Variants in ABCC4 observed in about 807,000 individuals in gnomAD.
The protein encoded by ABCC4 is ATP binding cassette subfamily C member 4 (PEL blood group).
A neutral mutation model predicts 168.5 loss-of-function variants in ABCC4; 102 were observed. That is an observed-to-expected ratio of 0.61 (90% confidence interval 0.52 to 0.71). The LOEUF is 0.71. ABCC4 is among the 30% of genes least tolerant of loss of function. The pLI is 0.00. For missense variants in ABCC4, 1,402 were observed against 1,605.8 expected (o/e 0.87, Z 2.17); for synonymous variants, 617 against 590.7 (o/e 1.04, Z -0.65).
chr13:95,286,124 T>G (rs1236953005), intron 1 of ABCC4, among the ~76,000 whole-genome samples: 1 of 55,268 alleles, frequency 1.8e-5, no homozygotes, highest in Non-Finnish European at 4.5e-5. Flanking sequence ...CCAGAAAAAC[T>G]TTTTTTTTTT....
intron 1 of ABCC4, among the ~76,000 whole-genome samples, chr13:95,283,920 C>A (rs2041194453): frequency 6.6e-6 from 1 of 151,210 alleles, no homozygotes; most frequent in African/African-American, 2.4e-5. Flanking sequence ...AAGAGTGGCG[C>A]CAGGTGCAGT....
At chr13:95,220,572 A>G (rs2039286113) in intron 4 of ABCC4, among the ~76,000 whole-genome samples, 1 of 152,152 alleles carries the variant, frequency 6.6e-6, no homozygotes, top group Non-Finnish European at 1.5e-5. Context: ...ATGTCTTACT[A>G]ATGACTTATT....
intron 13 of ABCC4, among the ~76,000 whole-genome samples, chr13:95,172,402 C>G (rs2037507598): frequency 6.6e-6 from 1 of 151,948 alleles, no homozygotes; most frequent in South Asian, 2.1e-4. Context: ...GAAATCCCAT[C>G]TCCACTAAAA....
In ABCC4 at chr13:95,221,018, G is replaced by A. The variant is rs531928274; in HGVS notation, c.532-10237C>T. On this transcript the variant is annotated intron_variant, in intron 4 of 30. Coordinates refer to ENST00000645237, the MANE Select transcript of ABCC4 (RefSeq NM_005845.5). ...AGGCAGAAGTTTTTCACTAAATGCT[G>A]AGAAAATGTATGACATAAACCCCAA... Among the ~76,000 whole-genome samples the A allele has an allele frequency of 5.3e-5, 8 of 152,284 alleles. No individual in the cohort carries two copies. The East Asian group carries it at 1.5e-3, about 29-fold the overall frequency.
intron 11 of ABCC4, among the ~76,000 whole-genome samples, chr13:95,184,245 G>A (rs2037990612): frequency 6.6e-6 from 1 of 152,226 alleles, no homozygotes; most frequent in Non-Finnish European, 1.5e-5. Flanking sequence ...TTCCCCCAGA[G>A]ACTTTCTGAT....
At chr13:95,027,120 T>C (rs541390760) in intron 30 of ABCC4, among the ~76,000 whole-genome samples, 5 of 152,280 alleles carry the variant, frequency 3.3e-5, no homozygotes, top group South Asian at 2.1e-4. Context: ...GTTTGTCACA[T>C]AGGTAAATGT....
intron 5 of ABCC4, among the ~76,000 whole-genome samples, 178 bp from the exon 6 acceptor site, chr13:95,209,775 G>T (rs953424791): frequency 1.3e-5 from 2 of 152,330 alleles, no homozygotes; most frequent in South Asian, 4.1e-4. Flanking sequence ...AGCCATTCTG[G>T]GGAAACAAAG....
intron 19 of ABCC4, among the ~76,000 whole-genome samples, chr13:95,132,773 G>A (rs1422123586): frequency 6.6e-6 from 1 of 152,100 alleles, no homozygotes; most frequent in African/African-American, 2.4e-5. Flanking sequence ...CTACAACATA[G>A]ATGAACCATA....
intron 9 of ABCC4, among the ~76,000 whole-genome samples, chr13:95,193,408 T>C (rs1751015): frequency 0.34 from 52,123 of 152,088 alleles, 9,460 homozygotes; most frequent in Non-Finnish European, 0.41. Flanking sequence ...TGCTGGCAGC[T>C]GGGCCACTGG....
chr13:95,164,093 A>T (rs1284423494), intron 16 of ABCC4, among the ~76,000 whole-genome samples: 1 of 151,688 alleles, frequency 6.6e-6, no homozygotes, highest in Admixed American at 6.6e-5. Flanking sequence ...AAAGGCTCAG[A>T]GAACTCGCAT....
intron 1 of ABCC4, among the ~76,000 whole-genome samples, chr13:95,279,008 A>C (rs550947708): frequency 1.3e-3 from 192 of 152,100 alleles, no homozygotes; most frequent in Non-Finnish European, 1.8e-3. Flanking sequence ...AACACAAAAA[A>C]ACGTGATCTA....
intron 22 of ABCC4, among the ~76,000 whole-genome samples, chr13:95,074,878 A>T (rs1428295981): frequency 1.3e-5 from 2 of 152,224 alleles, no homozygotes; most frequent in Non-Finnish European, 2.9e-5. Flanking sequence ...AATCAGCAAG[A>T]TAAAATAAAG....
intron 1 of ABCC4, among the ~76,000 whole-genome samples, chr13:95,291,116 G>A (rs1206702863): frequency 1.3e-5 from 2 of 152,116 alleles, no homozygotes; most frequent in African/African-American, 4.8e-5. Context: ...CATTTTGGGA[G>A]GCCAAGGCAG....
At chr13:95,081,023 C>T (rs371156218) in intron 21 of ABCC4, among the ~76,000 whole-genome samples, 4 of 147,554 alleles carry the variant, frequency 2.7e-5, no homozygotes, top group African/African-American at 9.7e-5. Flanking sequence ...GGACGAATAA[C>T]AGTAAATAGT....
At chr13:95,109,700 T>C (rs900019590) in intron 20 of ABCC4, among the ~76,000 whole-genome samples, 1 of 152,228 alleles carries the variant, frequency 6.6e-6, no homozygotes, top group Admixed American at 6.5e-5. Context: ...TGGAAATTTG[T>C]CTCGTGCTGA....
rs143194320 is a variant in ABCC4, at chr13:95,079,791, C to T, written c.2686+3349G>A. Among the ~76,000 whole-genome samples the T allele has an allele frequency of 2.5e-4, 38 of 152,014 alleles. No homozygotes were observed. In the East Asian group the frequency reaches 5.8e-3, roughly 23 times the overall value. ...TGGAAGTTGCAGTGACCCAAGATCA[C>T]GGCCACTGCACTCTAGCCTGGGCAA... On this transcript the variant is annotated intron_variant, in intron 21 of 30. Transcript: ENST00000645237.
chr13:95,196,650 A>AGGG (rs2038445903), intron 8 of ABCC4, among the ~76,000 whole-genome samples: 1 of 44,296 alleles, frequency 2.3e-5, no homozygotes, highest in Admixed American at 2.4e-4. Context: ...GGAAGGAAGG[A>AGGG]AGGAAGGAAG....
intron 1 of ABCC4, among the ~76,000 whole-genome samples, chr13:95,259,380 CA>C (rs11462774): frequency 0.11 from 14,014 of 128,208 alleles, 1,412 homozygotes; most frequent in African/African-American, 0.27. Context: ...AACTCCGTCT[CA>C]AAAAAAAAAA....
intron 20 of ABCC4, among the ~76,000 whole-genome samples, chr13:95,086,268 A>T (rs2034255997): frequency 6.6e-6 from 1 of 152,210 alleles, no homozygotes. Context: ...TGATTTAAGA[A>T]TTATTGTTTA....
Sources: allele counts gnomAD v4.1 joint callset (sites outside exome capture counted in the v4.1 genomes callset), GRCh38; gene constraint gnomAD v4.1.1; transcripts MANE v1.5; gene names NCBI Gene and HGNC (gene_info 2026-07-23, HGNC 2026-07-21).